QTMAN: variants seen among roughly 807,000 people sequenced by gnomAD.
The protein encoded by QTMAN is tRNA-queuosine alpha-mannosyltransferase.
chr2:144,271,939 C>G, the QTMAN span, among the ~76,000 whole-genome samples: 1 of 152,134 alleles, frequency 6.6e-6, no homozygotes, highest in Non-Finnish European at 1.5e-5. Context: ...CTCCCTGATC[C>G]CATTTCCCTC....
At chr2:143,985,023 T>C in the QTMAN span, among the ~76,000 whole-genome samples, 11 of 152,370 alleles carry the variant, frequency 7.2e-5, no homozygotes, top group Admixed American at 1.3e-4. Context: ...CTTAGCCATC[T>C]GCAGATGGCA....
At chr2:144,142,155 C>T in the QTMAN span, 1 of 730,850 alleles carries the variant, frequency 1.4e-6, no homozygotes, top group Non-Finnish European at 2.2e-6. Context: ...GTTTATACTA[C>T]ACCTTAGGTT....
chr2:143,994,198 G>A, the QTMAN span, among the ~76,000 whole-genome samples: 1 of 152,226 alleles, frequency 6.6e-6, no homozygotes, highest in East Asian at 1.9e-4. Context: ...GATTATGGTG[G>A]ATAATCAAGA....
At chr2:144,185,364 C>G in the QTMAN span, among the ~76,000 whole-genome samples, 1 of 152,122 alleles carries the variant, frequency 6.6e-6, no homozygotes, top group Non-Finnish European at 1.5e-5. Context: ...TACTGTGGGT[C>G]TGCATAACTC....
At chr2:144,182,283 A>AATAG in the QTMAN span, among the ~76,000 whole-genome samples, 1 of 152,162 alleles carries the variant, frequency 6.6e-6, no homozygotes, top group African/African-American at 2.4e-5. Context: ...CTTTTCTTAA[A>AATAG]ATAGATAATT....
chr2:144,162,623 G>A, the QTMAN span, among the ~76,000 whole-genome samples: 1 of 152,126 alleles, frequency 6.6e-6, no homozygotes, highest in Non-Finnish European at 1.5e-5. Context: ...AAGGTGAGGA[G>A]AGATAAGGGA....
the QTMAN span, among the ~76,000 whole-genome samples, chr2:144,099,852 A>G: frequency 3.3e-5 from 5 of 152,220 alleles, no homozygotes; most frequent in African/African-American, 1.2e-4. Context: ...GCCTCACAGA[A>G]TCTATCACCT....
chr2:144,280,346 C>A, the QTMAN span, among the ~76,000 whole-genome samples: 4 of 152,098 alleles, frequency 2.6e-5, no homozygotes, highest in Admixed American at 1.3e-4. Flanking sequence ...GGTTCCAAAC[C>A]ACATGTGCTG....
the QTMAN span, among the ~76,000 whole-genome samples, chr2:144,227,981 C>A: frequency 6.6e-6 from 1 of 152,114 alleles, no homozygotes; most frequent in Non-Finnish European, 1.5e-5. Context: ...AGTAAACATC[C>A]CTTTCTAAAG....
chr2:144,166,160 T>C, the QTMAN span, among the ~76,000 whole-genome samples: 1 of 152,196 alleles, frequency 6.6e-6, no homozygotes, highest in Non-Finnish European at 1.5e-5. Flanking sequence ...ACTATGACTA[T>C]GATTCCAATA....
chr2:144,016,363 A>T, the QTMAN span, among the ~76,000 whole-genome samples: 1 of 152,194 alleles, frequency 6.6e-6, no homozygotes, highest in African/African-American at 2.4e-5. Context: ...CTCAGAAGCC[A>T]AGTTTCAAAA....
At chr2:144,215,207 A>G in the QTMAN span, among the ~76,000 whole-genome samples, 1 of 151,718 alleles carries the variant, frequency 6.6e-6, no homozygotes, top group South Asian at 2.1e-4. Context: ...GTGCTACTGT[A>G]TTCCAGCCTG....
chr2:143,988,227 T>C, the QTMAN span, among the ~76,000 whole-genome samples: 41 of 152,254 alleles, frequency 2.7e-4, no homozygotes, highest in African/African-American at 9.6e-4. Context: ...AGTTACCTGA[T>C]AGAGCCAGCA....
chr2:144,180,760 T>C, the QTMAN span, among the ~76,000 whole-genome samples: 1 of 152,194 alleles, frequency 6.6e-6, no homozygotes, highest in Non-Finnish European at 1.5e-5. Context: ...GTCCGTATAT[T>C]GGTTTTCCTA....
the QTMAN span, among the ~76,000 whole-genome samples, chr2:144,231,890 GTGT>G: frequency 7.4e-6 from 1 of 134,694 alleles, no homozygotes; most frequent in Non-Finnish European, 1.6e-5. Flanking sequence ...GTGTGTGTGT[GTGT>G]TATCTTTACT....
At chr2:144,161,068 G>T in the QTMAN span, among the ~76,000 whole-genome samples, 1 of 152,108 alleles carries the variant, frequency 6.6e-6, no homozygotes, top group African/African-American at 2.4e-5. Context: ...AGTATGGCAC[G>T]AAAGAAAAGG....
chr2:144,320,295 G>C, the QTMAN span, among the ~76,000 whole-genome samples: 2 of 152,130 alleles, frequency 1.3e-5, no homozygotes, highest in Admixed American at 6.6e-5. Context: ...TCCTTCCAAG[G>C]AGAAGTTTGC....
the QTMAN span, among the ~76,000 whole-genome samples, chr2:144,311,226 G>A: frequency 2.6e-5 from 4 of 152,180 alleles, no homozygotes; most frequent in African/African-American, 9.7e-5. Context: ...ATTCTAGAGA[G>A]AGCTTTAAAA....
At chr2:143,979,342 A>T in the QTMAN span, among the ~76,000 whole-genome samples, 28 of 152,196 alleles carry the variant, frequency 1.8e-4, no homozygotes, top group Non-Finnish European at 4.0e-4. Flanking sequence ...AAGACCCAAT[A>T]TATGTATTAT....
Sources: allele counts gnomAD v4.1 joint callset (sites outside exome capture counted in the v4.1 genomes callset), GRCh38; gene constraint gnomAD v4.1.1; transcripts MANE v1.5; gene names NCBI Gene and HGNC (gene_info 2026-07-23, HGNC 2026-07-21).